The following ANO8 variants were observed in gnomAD, a reference collection of about 807,000 sequenced individuals.
ANO8 encodes the protein anoctamin 8.
ANO8 carries 67 observed loss-of-function variants against 120.4 expected under a neutral mutation model. The ratio of observed to expected loss-of-function variants is 0.56; its 90% CI spans 0.46 to 0.68. The LOEUF (loss-of-function observed/expected upper bound fraction) is 0.68, where lower values mean the gene tolerates loss of function less well. ANO8 is among the 30% of genes least tolerant of loss of function. The pLI is 0.00. For synonymous variants in ANO8, 727 were observed against 759.2 expected (o/e 0.96, Z 0.70); for missense variants, 1,526 against 1,737.6 (o/e 0.88, Z 2.16).
rs1429002304 is a variant in ANO8, at chr19:17,330,517, A to C, written c.994-13T>G. On this transcript the variant is annotated splice_polypyrimidine_tract_variant and intron_variant, in intron 8 of 17. Coordinates refer to ENST00000159087, the MANE Select transcript of ANO8 (RefSeq NM_020959.3). The stretch of plus-strand genomic sequence containing the variant: ...TACGTCGCACGCCCTGATGGTGGGC[A>C]AAGACCGGGCCCAGCATGAGCTCAG... The C allele has an allele frequency of 1.1e-5, 17 of 1,499,994 alleles. No homozygotes were observed. The highest frequency in any genetic ancestry group is 1.4e-5 in the Non-Finnish European group (16 of 1,119,624). The allele number at this position is 1,499,994 out of a possible 1,614,324, so 92.9% of individuals were successfully genotyped here.
chr19:17,330,777 C>A (rs1032790903), intron 8 of ANO8, 51 bp downstream of exon 8: 1 of 1,571,920 alleles, frequency 6.4e-7, no homozygotes, highest in Non-Finnish European at 8.6e-7. Context: ...GTGCCCCCCA[C>A]CATTTACCTT....
rs2074296612 is a variant in ANO8, at chr19:17,328,912, G to A, written c.1476C>T (p.Tyr492=). 1.3e-6 allele frequency: 2 copies of A among 1,512,028 alleles called. No homozygotes were observed. Among genetic ancestry groups the A allele is most frequent in the Non-Finnish European group, 8.8e-7 (1 of 1,133,294 alleles). The allele number at this position is 1,512,028 out of a possible 1,614,324, so 93.7% of individuals were successfully genotyped here. The stretch of plus-strand genomic sequence containing the variant: ...CCAGCTCGCCGCGGCCCAGGCGCCG[G>A]TACAGGTGCGGCTGCAGGACCTCGC... ...NVREVLQPHL[Y]RRLGRGELGL... is the part of the protein sequence containing the mutation. The change falls in exon 13 of 18, where the codon TAC becomes TAT. Residue 492 remains tyrosine, a synonymous_variant. Transcript: ENST00000159087.
chr19:17,334,665 G>A lies in ANO8; in HGVS notation c.6C>T (p.Ala2=). The change falls in exon 1 of 18, where the codon GCC becomes GCT. Residue 2 remains alanine, a synonymous_variant. Coordinates refer to ENST00000159087, the MANE Select transcript of ANO8 (RefSeq NM_020959.3). M[A]EAASGAGGTS... Reference sequence around the variant, plus strand: ...TGCCCCCGGCGCCGGAGGCGGCCTCGGCCATGGCGAGGACAGGTCAGGTCA... The same window carrying A: ...TGCCCCCGGCGCCGGAGGCGGCCTCAGCCATGGCGAGGACAGGTCAGGTCA... The A allele has an allele frequency of 6.8e-7, 1 of 1,467,210 alleles. No homozygotes were observed. Among genetic ancestry groups the A allele is most frequent in the Non-Finnish European group, 8.9e-7 (1 of 1,117,948 alleles). The allele number at this position is 1,467,210 out of a possible 1,614,324, so 90.9% of individuals were successfully genotyped here. A position where few individuals can be genotyped will look rare whatever the true frequency, so the allele number is the denominator to read the frequency against.
At chr19:17,332,105 T>G (rs529424119) in intron 5 of ANO8, among the ~76,000 whole-genome samples, 5 of 150,726 alleles carry the variant, frequency 3.3e-5, no homozygotes, top group Non-Finnish European at 7.4e-5. Flanking sequence ...TTGGCTAATT[T>G]TTGTATTTTT....
In ANO8 at chr19:17,324,025, G is replaced by A. The variant is rs2074256661; in HGVS notation, c.3332-141C>T. 5 of 946,694 alleles carry A rather than the reference G, an allele frequency of 5.3e-6. No individual in the cohort carries two copies. The African/African-American group carries it at 7.2e-5, about 14-fold the overall frequency. 58.6% of individuals were successfully genotyped at this position (946,694 alleles called of 1,614,324 possible). ...TTCTGATCAGAGACTGAGGTGGGGC[G>A]GCCCCCTGGGCGGCTTCCGGTGCAT... On this transcript the variant is annotated intron_variant, in intron 17 of 17. Coordinates refer to ENST00000159087, the MANE Select transcript of ANO8 (RefSeq NM_020959.3).
chr19:17,333,599 C>T lies in ANO8; in HGVS notation c.218-45G>A, dbSNP rs1442617251. The T allele has an allele frequency of 6.2e-7, 1 of 1,606,356 alleles. No individual in the cohort carries two copies. On this transcript the variant is annotated intron_variant, in intron 2 of 17. Coordinates refer to ENST00000159087, the MANE Select transcript of ANO8 (RefSeq NM_020959.3). The surrounding 1 kb of genome is among the most constrained non-coding windows in gnomAD (Gnocchi z 7.2). ...CCGATGGCTCCTGCCACGAGGGGGC[C>T]CAAGGCCTCCTACGTATTCCCGTTC...
In ANO8 at chr19:17,325,123, G is replaced by C. The variant is rs1374351324; in HGVS notation, c.2925C>G (p.Val975=). Reference sequence around the variant, plus strand: ...GTGGGATGATCTGCTTCAACTTCATGACGTTGTTGGGTGCCAGCAGGGACC... The same window carrying C: ...GTGGGATGATCTGCTTCAACTTCATCACGTTGTTGGGTGCCAGCAGGGACC... ...RPGSLLAPNN[V]MKLKQIIPLQ... The change falls in exon 17 of 18, where the codon GTC becomes GTG. Residue 975 remains valine, a synonymous_variant. Coordinates refer to ENST00000159087, the MANE Select transcript of ANO8 (RefSeq NM_020959.3). 3.1e-6 allele frequency: 5 copies of C among 1,613,608 alleles called. No homozygotes were observed. The highest frequency in any genetic ancestry group is 4.2e-6 in the Non-Finnish European group (5 of 1,179,976).
chr19:17,332,548 T>C (rs1164848949), intron 5 of ANO8, among the ~76,000 whole-genome samples: 1 of 152,120 alleles, frequency 6.6e-6, no homozygotes, highest in African/African-American at 2.4e-5. Flanking sequence ...TGGAGTGCTG[T>C]CCATGGTTCC....
chr19:17,333,812 C>A lies in ANO8; in HGVS notation c.107-12G>T. ...TCCGAAAAGCTTATCTAGGGGGCGG[C>A]GTAGCAGGCCCGGGTCAGGCCACTC... On this transcript the variant is annotated splice_polypyrimidine_tract_variant and intron_variant, in intron 1 of 17. Coordinates refer to ENST00000159087, the MANE Select transcript of ANO8 (RefSeq NM_020959.3). This position sits in a 1 kb window ranked among gnomAD's most constrained non-coding sequence, Gnocchi z 7.2. 1 of 1,571,452 alleles carries A rather than the reference C, an allele frequency of 6.4e-7. No homozygotes were observed. Among genetic ancestry groups the A allele is most frequent in the Non-Finnish European group, 8.6e-7 (1 of 1,159,806 alleles).
At chr19:17,325,949 G>A (rs557932883) in intron 16 of ANO8, among the ~76,000 whole-genome samples, 66 of 152,256 alleles carry the variant, frequency 4.3e-4, no homozygotes, top group African/African-American at 1.5e-3. Context: ...GAAAAAAAGC[G>A]TATTGGGCGC....
At chr19:17,331,609 A>G (rs2074318654) in intron 5 of ANO8, among the ~76,000 whole-genome samples, 198 bp from the exon 6 acceptor site, 1 of 151,710 alleles carries the variant, frequency 6.6e-6, no homozygotes, top group Non-Finnish European at 1.5e-5. Flanking sequence ...GGCGGGGAGA[A>G]TGTAAAGGAA....
rs1386173089 is a variant in ANO8, at chr19:17,327,809, G to A, written c.2298C>T (p.Pro766=). Residue 766 remains proline (P), a synonymous_variant, in exon 14 of 18, where the codon CCC becomes CCT. Coordinates refer to ENST00000159087, the MANE Select transcript of ANO8 (RefSeq NM_020959.3). ...GYVVLFSSAF[P]LAALCALVNN... ...TGACCAGGGCGCACAGCGCCGCCAG[G>A]GGGAAGGCGGACGAGAAGAGCACAA... 1 of 1,614,218 alleles carries A rather than the reference G, an allele frequency of 6.2e-7. No homozygotes were observed. The highest frequency in any genetic ancestry group is 8.5e-7 in the Non-Finnish European group (1 of 1,180,018).
intron 17 of ANO8, 129 bp from the exon 18 acceptor site, chr19:17,324,013 C>G: frequency 2.0e-6 from 2 of 995,328 alleles, no homozygotes; most frequent in Non-Finnish European, 2.4e-6. Flanking sequence ...TGATCAGAGA[C>G]TGAGGTGGGG....
In ANO8 at chr19:17,333,382, G is replaced by A; in HGVS notation, c.350+40C>T. ...TGGCACTTGGTAGAGCGGGGAGTCG[G>A]GTGGCAGGCTCAGCGAGAGGCCAGG... On this transcript the variant is annotated intron_variant, in intron 3 of 17. Transcript: ENST00000159087. The surrounding 1 kb of genome is among the most constrained non-coding windows in gnomAD (Gnocchi z 7.2). 1 of 1,613,082 alleles carries A rather than the reference G, an allele frequency of 6.2e-7. No individual in the cohort carries two copies. Among genetic ancestry groups the A allele is most frequent in the South Asian group, 1.1e-5 (1 of 91,064 alleles).
Position 17,327,709 on chromosome 19 carries a change from C to A in ANO8, c.2398G>T (p.Glu800Ter). 1 of 1,613,542 alleles carries A rather than the reference C, an allele frequency of 6.2e-7. No individual in the cohort carries two copies. Among genetic ancestry groups the A allele is most frequent in the Non-Finnish European group, 8.5e-7 (1 of 1,179,788 alleles). Reference protein sequence around the residue: ...GLQRPFGQRVESIGQWQKVME... With the variant: ...GLQRPFGQRV ...CCCACCTGCCACTGGCCGATGCTTT[C>A]CACGCGCTGGCCGAAGGGCCGCTGC... The change falls in exon 14 of 18, where the codon GAA becomes TAA. Residue 800 changes from glutamate to a stop codon, truncating the protein, a stop_gained. Coordinates refer to ENST00000159087, the MANE Select transcript of ANO8 (RefSeq NM_020959.3). LOFTEE classifies it high-confidence loss of function.
chr19:17,333,528 A>G lies in ANO8; in HGVS notation c.244T>C (p.Trp82Arg). 1 of 1,613,086 alleles carries G rather than the reference A, an allele frequency of 6.2e-7. No individual in the cohort carries two copies. The highest frequency in any genetic ancestry group is 8.5e-7 in the Non-Finnish European group (1 of 1,179,986). Residue 82 changes from tryptophan to arginine, a missense_variant, in exon 3 of 18, where the codon TGG (tryptophan) becomes CGG (arginine). Trp to Arg is a moderately radical substitution (Grantham distance 101). Transcript: ENST00000159087. This position sits in a 1 kb window ranked among gnomAD's most constrained non-coding sequence, Gnocchi z 7.2. ...PDTTDDHTLL[W>R]LLNHIRVGIP... ...CCCACGCGGATGTGGTTCAGCAGCCATAGCAGCGTGTGGTCATCGGTCGTG... is the reference window on the plus strand; with the variant it reads ...CCCACGCGGATGTGGTTCAGCAGCCGTAGCAGCGTGTGGTCATCGGTCGTG...
In ANO8 at chr19:17,333,764, C is replaced by G. The variant is rs200300681; in HGVS notation, c.143G>C (p.Arg48Pro). ...CCACGCCTTGTGGGACACCAGGTAG[C>G]GACCAGCCTGCAGGAGCCGCTTTCC... ...LFGKRLLQAG[R>P]YLVSHKAWMK... The change falls in exon 2 of 18, where the codon CGC becomes CCC. Residue 48 changes from arginine to proline, a missense_variant. Coordinates refer to ENST00000159087, the MANE Select transcript of ANO8 (RefSeq NM_020959.3). The surrounding 1 kb of genome is among the most constrained non-coding windows in gnomAD (Gnocchi z 7.2). 16 of 1,606,876 alleles carry G rather than the reference C, an allele frequency of 1.0e-5. No homozygotes were observed. Among genetic ancestry groups the G allele is most frequent in the African/African-American group, 2.7e-5 (2 of 74,746 alleles).
chr19:17,325,813 A>G (rs1266412182), intron 16 of ANO8, among the ~76,000 whole-genome samples: 1 of 152,236 alleles, frequency 6.6e-6, no homozygotes, highest in Non-Finnish European at 1.5e-5. Flanking sequence ...CTGTAATTCC[A>G]GCTACTCGGA....
chr19:17,327,494 G>T lies in ANO8; in HGVS notation c.2494C>A (p.Arg832Ser). Residue 832 changes from arginine to serine, a missense_variant, in exon 15 of 18, where the codon CGC (arginine) becomes AGC (serine). By Grantham distance (110) the Arg-to-Ser change is moderately radical. Coordinates refer to ENST00000159087, the MANE Select transcript of ANO8 (RefSeq NM_020959.3). ...TCCGGGCTCAGCCAGGGGAAGAGGC[G>T]CTGCAGCTGCCCGCACTGGCCGATT... ...YLIGQCGQLQ[R>S]LFPWLSPEAA... 1 of 1,613,240 alleles carries T rather than the reference G, an allele frequency of 6.2e-7. No homozygotes were observed. Among genetic ancestry groups the T allele is most frequent in the Non-Finnish European group, 8.5e-7 (1 of 1,179,870 alleles).
Sources: allele counts gnomAD v4.1 joint callset (sites outside exome capture counted in the v4.1 genomes callset), GRCh38; gene constraint gnomAD v4.1.1; non-coding constraint Gnocchi (gnomAD v3.1); transcripts MANE v1.5; gene names NCBI Gene and HGNC (gene_info 2026-07-23, HGNC 2026-07-21).